AGBL4: variants seen among roughly 807,000 people sequenced by gnomAD.
The protein encoded by AGBL4 is cytosolic carboxypeptidase 6.
AGBL4 carries 58 observed loss-of-function variants against 66.4 expected under a neutral mutation model. The ratio of observed to expected loss-of-function variants is 0.87; its 90% CI spans 0.71 to 1.09. The LOEUF (loss-of-function observed/expected upper bound fraction) is 1.09. Ranked by LOEUF, AGBL4 falls within the 50% of genes least tolerant of loss-of-function variation. The pLI, the probability that AGBL4 is intolerant of heterozygous loss-of-function variation, is 0.00. For synonymous variants in AGBL4, 234 were observed against 222.9 expected (o/e 1.05, Z -0.44); for missense variants, 579 against 631.0 (o/e 0.92, Z 0.88).
intron 2 of AGBL4, among the ~76,000 whole-genome samples, chr1:49,747,679 A>G: frequency 6.6e-6 from 1 of 152,200 alleles, no homozygotes; most frequent in South Asian, 2.1e-4. Flanking sequence ...TAATTTTATT[A>G]CTTAATTTTT....
intron 11 of AGBL4, among the ~76,000 whole-genome samples, chr1:48,558,803 A>G (rs1267683449): frequency 6.6e-6 from 1 of 152,196 alleles, no homozygotes; most frequent in Non-Finnish European, 1.5e-5. Flanking sequence ...TTTGAGTTTT[A>G]TGAGCTAATT....
intron 2 of AGBL4, among the ~76,000 whole-genome samples, chr1:49,829,384 T>A (rs566345010): frequency 6.6e-6 from 1 of 152,192 alleles, no homozygotes; most frequent in Admixed American, 6.5e-5. Flanking sequence ...GCTGCCAGGG[T>A]AAGACAGTAT....
intron 3 of AGBL4, among the ~76,000 whole-genome samples, chr1:49,624,965 A>G (rs1645437568): frequency 6.6e-6 from 1 of 152,154 alleles, no homozygotes; most frequent in Admixed American, 6.6e-5. Context: ...AACCCACATA[A>G]AGAAACTCAT....
At chr1:49,102,081 G>A (rs1645212954) in intron 4 of AGBL4, among the ~76,000 whole-genome samples, 1 of 152,076 alleles carries the variant, frequency 6.6e-6, no homozygotes, top group African/African-American at 2.4e-5. Context: ...CCAGCAGTAG[G>A]TTTTAGCAGC....
At chr1:49,256,285 C>T (rs571732506) in intron 3 of AGBL4, among the ~76,000 whole-genome samples, 1 of 151,632 alleles carries the variant, frequency 6.6e-6, no homozygotes, top group South Asian at 2.1e-4. Context: ...CATATACAAC[C>T]AAAAAATGTA....
intron 3 of AGBL4, among the ~76,000 whole-genome samples, chr1:49,323,537 TC>T (rs1296116801): frequency 3.4e-5 from 5 of 147,660 alleles, no homozygotes; most frequent in African/African-American, 1.3e-4. Flanking sequence ...GCTCAGGCAA[TC>T]CGCCCGTCTC....
At chr1:48,822,879 A>C (rs1296211672) in intron 6 of AGBL4, among the ~76,000 whole-genome samples, 1 of 152,188 alleles carries the variant, frequency 6.6e-6, no homozygotes, top group Non-Finnish European at 1.5e-5. Context: ...GACTTCTATT[A>C]ACACAGACTT....
chr1:49,477,838 T>C (rs1646876718), intron 3 of AGBL4, among the ~76,000 whole-genome samples: 1 of 151,748 alleles, frequency 6.6e-6, no homozygotes, highest in Non-Finnish European at 1.5e-5. Context: ...AATTGATAAT[T>C]TTATCAAATA....
chr1:49,410,282 A>C (rs960302032), intron 3 of AGBL4, among the ~76,000 whole-genome samples: 2 of 152,132 alleles, frequency 1.3e-5, no homozygotes, highest in Non-Finnish European at 2.9e-5. Context: ...ATCTATTTTG[A>C]GTTTCTGCTC....
intron 1 of AGBL4, among the ~76,000 whole-genome samples, chr1:49,938,656 T>A (rs1051017508): frequency 6.6e-6 from 1 of 152,312 alleles, no homozygotes; most frequent in East Asian, 1.9e-4. Flanking sequence ...CATGATCAAG[T>A]GGGCTTCATC....
intron 12 of AGBL4, among the ~76,000 whole-genome samples, chr1:48,538,416 T>C (rs2148258142): frequency 6.6e-6 from 1 of 152,306 alleles, no homozygotes; most frequent in South Asian, 2.1e-4. Flanking sequence ...TATAGGTAAG[T>C]AGAAAAAAGC....
chr1:49,161,279 C>T (rs1463692448), intron 4 of AGBL4, among the ~76,000 whole-genome samples: 1 of 152,200 alleles, frequency 6.6e-6, no homozygotes, highest in Non-Finnish European at 1.5e-5. Context: ...AGCACAGTCC[C>T]TCACAGCTTC....
At chr1:48,546,824 T>C (rs926392676) in intron 11 of AGBL4, among the ~76,000 whole-genome samples, 11 of 149,794 alleles carry the variant, frequency 7.3e-5, no homozygotes. Flanking sequence ...GGTTCTTAAG[T>C]CTAGAAGCAG....
chr1:49,296,620 T>C (rs922805976), intron 3 of AGBL4, among the ~76,000 whole-genome samples: 1 of 152,150 alleles, frequency 6.6e-6, no homozygotes, highest in East Asian at 1.9e-4. Context: ...AACTTCCCCA[T>C]GGAAAGGTCA....
intron 3 of AGBL4, among the ~76,000 whole-genome samples, chr1:49,619,301 C>T (rs1391798344): frequency 6.6e-6 from 1 of 152,044 alleles, no homozygotes; most frequent in African/African-American, 2.4e-5. Context: ...GTGCAAAAAC[C>T]ACAAGCATTC....
Position 49,881,811 on chromosome 1 carries a change from C to T in AGBL4, c.35-30293G>A, listed in dbSNP as rs75741068. Reference sequence around the variant, plus strand: ...AGCCCTTTGTCAGATGAGTAGGTTGCGAAAATTTTCTCCCATTTTGTGGGT... The same window carrying T: ...AGCCCTTTGTCAGATGAGTAGGTTGTGAAAATTTTCTCCCATTTTGTGGGT... On this transcript the variant is annotated intron_variant, in intron 1 of 13. Transcript: ENST00000371839. 6.5e-3 allele frequency among the ~76,000 whole-genome samples: 987 copies of T among 151,450 alleles called. 3 individuals are homozygous for T. The highest frequency in any genetic ancestry group is 0.011 in the Non-Finnish European group (713 of 67,692).
intron 3 of AGBL4, among the ~76,000 whole-genome samples, chr1:49,566,200 G>A (rs962481158): frequency 7.9e-5 from 12 of 152,016 alleles, no homozygotes; most frequent in Admixed American, 2.6e-4. Flanking sequence ...TTATCCATTC[G>A]TCTAATTTTT....
At chr1:48,794,820 C>T (rs1475642587) in intron 6 of AGBL4, among the ~76,000 whole-genome samples, 1 of 152,170 alleles carries the variant, frequency 6.6e-6, no homozygotes, top group African/African-American at 2.4e-5. Context: ...GTGCAGACTT[C>T]TATTCTGAAC....
rs768370680 is a variant in AGBL4 at position 48,539,706 on chromosome 1, AG to A, written c.1299del (p.Leu435TrpfsTer6). ...GGGTTCAGCCGATAATAGTCCAAAA[AG>A]GTTCTTGCCACATTCCGCCCCAGCT... ...YMKLGRNVARTFLDYYRLNPV... is the reference protein window; with the variant it reads ...YMKLGRNVARXFLDYYRLNPV... On this transcript the variant is annotated frameshift_variant, in exon 12 of 14. Coordinates refer to ENST00000371839, the MANE Select transcript of AGBL4 (RefSeq NM_032785.4). LOFTEE classifies it high-confidence loss of function. The A allele has an allele frequency of 6.5e-7, 1 of 1,544,994 alleles. No homozygotes were observed. Among genetic ancestry groups the A allele is most frequent in the Non-Finnish European group, 8.8e-7 (1 of 1,142,490 alleles).
Sources: gnomAD v4.1 joint callset for allele counts (sites outside exome capture counted in the v4.1 genomes callset) on GRCh38, gnomAD v4.1.1 for gene constraint, MANE v1.5 for transcripts, NCBI Gene and HGNC (gene_info 2026-07-23, HGNC 2026-07-21) for gene names.